Variants in EFCC1 observed in about 807,000 individuals in gnomAD.
The protein encoded by EFCC1 is EF-hand and coiled-coil domain containing 1, also known as EF-hand and coiled-coil domain-containing protein 1.
EFCC1 carries 50 observed loss-of-function variants against 52.1 expected under a neutral mutation model. The ratio of observed to expected loss-of-function variants is 0.96; its 90% CI spans 0.76 to 1.21. EFCC1 has a LOEUF of 1.21. EFCC1 is among the 50% of genes most tolerant of loss of function. The pLI is 0.00. For missense variants in EFCC1, 837 were observed against 867.3 expected (o/e 0.97, Z 0.44); for synonymous variants, 399 against 396.5 (o/e 1.01, Z -0.08).
At position 129,002,056 on chromosome 3, in the gene EFCC1, G is replaced by A; in HGVS notation, c.428G>A (p.Arg143His). 2 of 1,540,022 alleles carry A rather than the reference G, an allele frequency of 1.3e-6. No homozygotes were observed. Among genetic ancestry groups the A allele is most frequent in the East Asian group, 2.5e-5 (1 of 39,866 alleles). The change falls in exon 1 of 8, where the codon CGC (arginine) becomes CAC (histidine). Residue 143 changes from arginine (R) to histidine (H), a missense_variant. Coordinates refer to ENST00000683648, the MANE Select transcript of EFCC1 (RefSeq NM_001377500.1). ...GCCGAGCCGCCGGAGCTCACCTTCC[G>A]CCAGTTCCACGCGCGCCTCTGTGGC... Reference protein sequence around the residue: ...LRAEPPELTFRQFHARLCGYF... With the variant: ...LRAEPPELTFHQFHARLCGYF...
intron 2 of EFCC1, among the ~76,000 whole-genome samples, chr3:129,013,373 C>T (rs867413118): frequency 6.6e-6 from 1 of 152,128 alleles, no homozygotes; most frequent in African/African-American, 2.4e-5. Context: ...AAAGTAGGAA[C>T]GGCACTTATT....
chr3:129,036,930 G>A (rs1294721136), intron 5 of EFCC1, 47 bp from the exon 6 acceptor site: 1 of 1,612,214 alleles, frequency 6.2e-7, no homozygotes, highest in South Asian at 1.1e-5. Flanking sequence ...CACCTGGAAG[G>A]CTGGGAGAGG....
At chr3:129,037,749 G>A (rs938447801) in intron 6 of EFCC1, among the ~76,000 whole-genome samples, 3 of 152,098 alleles carry the variant, frequency 2.0e-5, no homozygotes, top group Non-Finnish European at 2.9e-5. Context: ...CTGGTGACGT[G>A]TTCAGAGGAA....
At chr3:129,026,040 T>TA (rs1447070979) in intron 2 of EFCC1, among the ~76,000 whole-genome samples, 1 of 152,240 alleles carries the variant, frequency 6.6e-6, no homozygotes, top group Non-Finnish European at 1.5e-5. Flanking sequence ...CTCCAGCTCT[T>TA]AGTGCTTTGG....
At chr3:129,037,192 C>T in intron 6 of EFCC1, 75 bp downstream of exon 6, 1 of 1,490,288 alleles carries the variant, frequency 6.7e-7, no homozygotes, top group Non-Finnish European at 8.9e-7. Flanking sequence ...TTGTGTCAGG[C>T]ACCAGGCTCT....
chr3:129,024,796 C>T (rs1407193057), intron 2 of EFCC1, among the ~76,000 whole-genome samples: 1 of 152,200 alleles, frequency 6.6e-6, no homozygotes, highest in Non-Finnish European at 1.5e-5. Flanking sequence ...CCTCTCTACA[C>T]TGTTGCATTG....
intron 2 of EFCC1, among the ~76,000 whole-genome samples, chr3:129,025,430 G>C (rs1258020216): frequency 6.6e-6 from 1 of 152,236 alleles, no homozygotes. Context: ...TTTAGGCCAA[G>C]TCAAATGCGT....
At position 129,038,820 on chromosome 3, in the gene EFCC1, T is replaced by C; in HGVS notation, c.1594-11T>C. 1.2e-6 allele frequency: 2 copies of C among 1,613,556 alleles called. No homozygotes were observed. Among genetic ancestry groups the C allele is most frequent in the Non-Finnish European group, 1.7e-6 (2 of 1,179,870 alleles). On this transcript the variant is annotated splice_polypyrimidine_tract_variant and intron_variant, in intron 6 of 7. Transcript: ENST00000683648. ...CAGTCTAATCCAGCCTTGTTTCCATTTCTTTTTAAGAACATATCGAAAAGA... is the reference window on the plus strand; with the variant it reads ...CAGTCTAATCCAGCCTTGTTTCCATCTCTTTTTAAGAACATATCGAAAAGA...
intron 5 of EFCC1, 21 bp from the exon 6 acceptor site, chr3:129,036,956 C>T: frequency 6.2e-7 from 1 of 1,613,678 alleles, no homozygotes. Flanking sequence ...AAAGTGAGCA[C>T]TGAGCCCCTT....
intron 1 of EFCC1, among the ~76,000 whole-genome samples, chr3:129,003,572 A>G (rs1944905016): frequency 6.6e-6 from 1 of 150,832 alleles, no homozygotes; most frequent in Non-Finnish European, 1.5e-5. Context: ...GGGGTGGGGG[A>G]TGAGGAGGAA....
chr3:129,027,429 C>T (rs1237142647), intron 2 of EFCC1, among the ~76,000 whole-genome samples: 4 of 152,276 alleles, frequency 2.6e-5, no homozygotes, highest in South Asian at 2.1e-4. Flanking sequence ...GGGCCGGGAG[C>T]CCGCGCCCCT....
rs144980275 is a variant in EFCC1 at position 129,018,029 on chromosome 3, A to G, written c.981-12674A>G. 2.6e-3 allele frequency among the ~76,000 whole-genome samples: 397 copies of G among 152,306 alleles called. 2 individuals are homozygous for G. The highest frequency in any genetic ancestry group is 8.7e-3 in the African/African-American group (360 of 41,568). ...CAGCCCTCCCTCCTGGCTACCATATAGTATGCAGTCCTGGCCATACAAGAG... is the reference window on the plus strand; with the variant it reads ...CAGCCCTCCCTCCTGGCTACCATATGGTATGCAGTCCTGGCCATACAAGAG... On this transcript the variant is annotated intron_variant, in intron 2 of 7. Transcript: ENST00000683648.
At chr3:129,038,430 G>A (rs1946384049) in intron 6 of EFCC1, among the ~76,000 whole-genome samples, 1 of 152,258 alleles carries the variant, frequency 6.6e-6, no homozygotes, top group Non-Finnish European at 1.5e-5. Flanking sequence ...TCCCAGCTGG[G>A]TGGCTTTGGC....
intron 2 of EFCC1, among the ~76,000 whole-genome samples, chr3:129,024,559 A>G (rs929488211): frequency 1.3e-5 from 2 of 151,970 alleles, no homozygotes; most frequent in Non-Finnish European, 2.9e-5. Context: ...AAAGAAAAAG[A>G]AAAACAGAAA....
chr3:129,003,863 G>T lies in EFCC1; in HGVS notation c.766G>T (p.Glu256Ter). 1 of 1,440,388 alleles carries T rather than the reference G, an allele frequency of 6.9e-7. No homozygotes were observed. Among genetic ancestry groups the T allele is most frequent in the East Asian group, 3.1e-5 (1 of 32,568 alleles). 89.2% of individuals were successfully genotyped at this position (1,440,388 alleles called of 1,614,324 possible). A position where few individuals can be genotyped will look rare whatever the true frequency, so the allele number is the denominator to read the frequency against. ...CGGCGGGCCGGAGGCTGCGGTGCGG[G>T]AGCTGCGTCAGGCGCAGGGCGCCCT... ...GHGGPEAAVRELRQAQGALAA... is the reference protein window; with the variant it reads ...GHGGPEAAVR Residue 256 changes from glutamate (E) to a stop codon, truncating the protein, a stop_gained, in exon 2 of 8, where the codon GAG becomes TAG. Coordinates refer to ENST00000683648, the MANE Select transcript of EFCC1 (RefSeq NM_001377500.1). LOFTEE classifies it high-confidence loss of function.
intron 6 of EFCC1, among the ~76,000 whole-genome samples, chr3:129,038,563 G>A (rs1288038845): frequency 6.6e-6 from 1 of 152,242 alleles, no homozygotes; most frequent in African/African-American, 2.4e-5. Context: ...ATTTCTCAGT[G>A]TCTACCTGGG....
chr3:129,023,598 C>T (rs1476251041), intron 2 of EFCC1, among the ~76,000 whole-genome samples: 1 of 152,216 alleles, frequency 6.6e-6, no homozygotes, highest in Non-Finnish European at 1.5e-5. Flanking sequence ...TCCCAAAGTG[C>T]TGGGATTACA....
intron 2 of EFCC1, among the ~76,000 whole-genome samples, chr3:129,020,028 C>G (rs1263625606): frequency 1.3e-5 from 2 of 152,100 alleles, no homozygotes. Flanking sequence ...CTCAGCCTCC[C>G]AAAGTGCTGG....
rs913174508 is a variant in EFCC1 at position 129,010,247 on chromosome 3, G to A, written c.980+6170G>A. On this transcript the variant is annotated intron_variant, in intron 2 of 7. Coordinates refer to ENST00000683648, the MANE Select transcript of EFCC1 (RefSeq NM_001377500.1). This position sits in a 1 kb window ranked among gnomAD's most constrained non-coding sequence, Gnocchi z 4.3. ...TGTGACATCTCGTCCTTTTGAAACCGCCCATATCTCAACCAGTTGCCTGGC... is the reference window on the plus strand; with the variant it reads ...TGTGACATCTCGTCCTTTTGAAACCACCCATATCTCAACCAGTTGCCTGGC... Among the ~76,000 whole-genome samples, 13 of 152,210 alleles carry A rather than the reference G, an allele frequency of 8.5e-5. No individual in the cohort carries two copies. The highest frequency in any genetic ancestry group is 4.1e-4 in the South Asian group (2 of 4,836).
Sources: allele counts gnomAD v4.1 joint callset (sites outside exome capture counted in the v4.1 genomes callset), GRCh38; gene constraint gnomAD v4.1.1; non-coding constraint Gnocchi (gnomAD v3.1); transcripts MANE v1.5; gene names NCBI Gene and HGNC (gene_info 2026-07-23, HGNC 2026-07-21).